The following ZNF644 variants were observed in gnomAD, a reference collection of about 807,000 sequenced individuals.
ZNF644 encodes zinc finger protein 644.
In ZNF644, 20 loss-of-function variants were observed where a neutral mutation model predicts 108.0. The ratio of observed to expected loss-of-function variants is 0.19; its 90% CI spans 0.13 to 0.27. ZNF644 has a LOEUF of 0.27. ZNF644 is among the 10% of genes least tolerant of loss of function. The pLI, the probability that ZNF644 is intolerant of heterozygous loss-of-function variation, is 1.00. For missense variants in ZNF644, 1,338 were observed against 1,548.9 expected (o/e 0.86, Z 2.29); for synonymous variants, 542 against 539.1 (o/e 1.01, Z -0.08).
intron 2 of ZNF644, among the ~76,000 whole-genome samples, chr1:90,954,655 C>T (rs1232480538): frequency 2.0e-5 from 3 of 152,192 alleles, no homozygotes; most frequent in Non-Finnish European, 4.4e-5. Flanking sequence ...GATCCACCTG[C>T]CTTGGCCTCC....
Position 90,938,829 on chromosome 1 carries a change from T to C in ZNF644, c.2525A>G (p.Gln842Arg). The change falls in exon 3 of 6, where the codon CAA (glutamine) becomes CGA (arginine). Residue 842 changes from glutamine (Q) to arginine (R), a missense_variant. Transcript: ENST00000337393. This position sits in a 1 kb window ranked among gnomAD's most constrained non-coding sequence, Gnocchi z 4.2. ...FLHKMTVVVL[Q>R]KLNSAEKKDS... is the part of the protein sequence containing the mutation. Reference sequence around the variant, plus strand: ...TTTCTTTTCAGCAGAATTAAGTTTTTGCAAAACGACAACAGTCATTTTATG... The same window carrying C: ...TTTCTTTTCAGCAGAATTAAGTTTTCGCAAAACGACAACAGTCATTTTATG... 1 of 1,613,906 alleles carries C rather than the reference T, an allele frequency of 6.2e-7. No individual in the cohort carries two copies. The highest frequency in any genetic ancestry group is 8.5e-7 in the Non-Finnish European group (1 of 1,179,944).
intron 1 of ZNF644, among the ~76,000 whole-genome samples, chr1:91,010,763 T>C (rs1165770871): frequency 1.3e-5 from 2 of 152,194 alleles, no homozygotes; most frequent in South Asian, 2.1e-4. Context: ...CTGTGCTCTA[T>C]GTATATGCAA....
intron 1 of ZNF644, among the ~76,000 whole-genome samples, chr1:91,009,758 A>G (rs1019273613): frequency 1.2e-4 from 19 of 152,200 alleles, no homozygotes; most frequent in African/African-American, 4.3e-4. Flanking sequence ...AAGTAAACTT[A>G]ACAGAAAAAA....
chr1:90,952,709 G>A (rs1653300587), intron 2 of ZNF644, among the ~76,000 whole-genome samples: 2 of 152,134 alleles, frequency 1.3e-5, no homozygotes. Context: ...AGTAAGAGCT[G>A]AAACTGATAT....
intron 2 of ZNF644, among the ~76,000 whole-genome samples, chr1:90,970,360 T>C (rs1403285470): frequency 2.0e-5 from 3 of 152,314 alleles, no homozygotes; most frequent in East Asian, 3.9e-4. Flanking sequence ...ACTAAGAACC[T>C]AGCTGTGCTT....
intron 2 of ZNF644, among the ~76,000 whole-genome samples, chr1:90,959,510 G>A (rs1201147854): frequency 6.6e-6 from 1 of 152,074 alleles, no homozygotes; most frequent in African/African-American, 2.4e-5. Context: ...TATTCATTAA[G>A]GAATAATATG....
chr1:90,918,656 T>C (rs1465048128), intron 4 of ZNF644, among the ~76,000 whole-genome samples: 3 of 152,092 alleles, frequency 2.0e-5, no homozygotes, highest in African/African-American at 4.8e-5. Context: ...ATATGGATAA[T>C]GTAATTAAAA....
intron 1 of ZNF644, among the ~76,000 whole-genome samples, chr1:91,002,593 C>T (rs1198066323): frequency 1.3e-5 from 2 of 152,152 alleles, no homozygotes; most frequent in African/African-American, 4.8e-5. Context: ...AAAACCTAGG[C>T]AATACCATTC....
Position 90,987,063 on chromosome 1 carries a change from T to TA in ZNF644, c.-17-4694dup, listed in dbSNP as rs61601047. On this transcript the variant is annotated intron_variant, in intron 1 of 5. Transcript: ENST00000337393. ...TTATGGTAGCAAAAGCTTACATGTTTAAAAAAAAAAAAAACCCACAAATCA... is the reference window on the plus strand; with the variant it reads ...TTATGGTAGCAAAAGCTTACATGTTTAAAAAAAAAAAAAAACCCACAAATCA... Among the ~76,000 whole-genome samples the TA allele has an allele frequency of 5.4e-3, 744 of 137,880 alleles. 3 individuals carry two copies. The highest frequency in any genetic ancestry group is 8.3e-3 in the Non-Finnish European group (523 of 62,972). The allele number at this position is 137,880 out of a possible 152,430, so 90.5% of individuals were successfully genotyped here.
At chr1:90,974,042 C>T (rs1026251481) in intron 2 of ZNF644, among the ~76,000 whole-genome samples, 1 of 151,946 alleles carries the variant, frequency 6.6e-6, no homozygotes. Context: ...GATAGGTGTC[C>T]GTATAGATGT....
At chr1:90,995,085 C>A (rs1658024563) in intron 1 of ZNF644, among the ~76,000 whole-genome samples, 1 of 151,926 alleles carries the variant, frequency 6.6e-6, no homozygotes, top group Admixed American at 6.6e-5. Flanking sequence ...GTGACCCAGA[C>A]TCAGGAAAAA....
intron 1 of ZNF644, among the ~76,000 whole-genome samples, chr1:91,020,141 C>T (rs1020973237): frequency 5.9e-5 from 9 of 152,120 alleles, no homozygotes; most frequent in African/African-American, 2.2e-4. Flanking sequence ...CACTGTAAAA[C>T]TTTATGATCC....
intron 1 of ZNF644, among the ~76,000 whole-genome samples, chr1:91,012,459 CA>C (rs1660045393): frequency 6.6e-6 from 1 of 151,098 alleles, no homozygotes; most frequent in South Asian, 2.1e-4. Flanking sequence ...GCTAGGGTGA[CA>C]GACTGAGACC....
intron 2 of ZNF644, among the ~76,000 whole-genome samples, chr1:90,978,800 C>G (rs1656252801): frequency 6.6e-6 from 1 of 150,386 alleles, no homozygotes; most frequent in African/African-American, 2.5e-5. Context: ...CAACTCTAAC[C>G]AACAACATGA....
chr1:90,940,012 A>G lies in ZNF644; in HGVS notation c.1342T>C (p.Tyr448His). The G allele has an allele frequency of 6.2e-7, 1 of 1,614,050 alleles. No individual in the cohort carries two copies. The highest frequency in any genetic ancestry group is 1.6e-4 in the Middle Eastern group (1 of 6,062). Residue 448 changes from tyrosine to histidine, a missense_variant, in exon 3 of 6, where the codon TAT (tyrosine) becomes CAT (histidine). Physicochemically the swap from Tyr to His is moderately conservative, Grantham distance 83. Transcript: ENST00000337393. The part of the protein sequence containing the change: ...HFRHLNVPRP[Y>H]ACRECGRTFR... Reference sequence around the variant, plus strand: ...GTCCGTCCACATTCTCTACAAGCATATGGCCTTGGGACATTAAGATGGCGA... The same window carrying G: ...GTCCGTCCACATTCTCTACAAGCATGTGGCCTTGGGACATTAAGATGGCGA...
rs267598765 is a variant in ZNF644 at position 90,938,836 on chromosome 1, C to T, written c.2518G>A (p.Val840Ile). The stretch of plus-strand genomic sequence containing the variant: ...TCAGCAGAATTAAGTTTTTGCAAAA[C>T]GACAACAGTCATTTTATGCAAAAAA... ...PDFLHKMTVV[V>I]LQKLNSAEKK... Residue 840 changes from valine to isoleucine, a missense_variant, in exon 3 of 6, where the codon GTT becomes ATT. Val to Ile is a conservative substitution (Grantham distance 29). This residue lies in a region of ZNF644 where 462 missense variants were observed against 472.6 expected (regional missense o/e 0.98). Transcript: ENST00000337393. This position sits in a 1 kb window ranked among gnomAD's most constrained non-coding sequence, Gnocchi z 4.2. The T allele has an allele frequency of 3.7e-6, 6 of 1,613,838 alleles. No individual in the cohort carries two copies. Among genetic ancestry groups the T allele is most frequent in the Non-Finnish European group, 5.1e-6 (6 of 1,179,924 alleles).
At chr1:90,947,948 T>C (rs1652690794) in intron 2 of ZNF644, among the ~76,000 whole-genome samples, 1 of 152,152 alleles carries the variant, frequency 6.6e-6, no homozygotes, top group Admixed American at 6.5e-5. Context: ...TTCTACACCA[T>C]CGCAAAATTG....
At position 90,982,418 on chromosome 1, in the gene ZNF644, CA is replaced by C; in HGVS notation, c.-17-49del. The C allele has an allele frequency of 3.1e-6, 4 of 1,296,668 alleles. No homozygotes were observed. In the South Asian group the frequency reaches 4.7e-5, roughly 15 times the overall value. 80.3% of individuals were successfully genotyped at this position (1,296,668 alleles called of 1,614,324 possible). ...CCAAGGTTTAATTTTTTGTTTCAGG[CA>C]TGAATAACCATAGCTACAATACACT... is the stretch of plus-strand genomic sequence containing the variant. On this transcript the variant is annotated intron_variant, in intron 1 of 5. Coordinates refer to ENST00000337393, the MANE Select transcript of ZNF644 (RefSeq NM_201269.3).
At position 90,937,698 on chromosome 1, in the gene ZNF644, C is replaced by T. The variant is rs757334850; in HGVS notation, c.3475G>A (p.Glu1159Lys). The change falls in exon 4 of 6, where the codon GAA (glutamate) becomes AAA (lysine). Residue 1159 changes from glutamate to lysine, a missense_variant. Coordinates refer to ENST00000337393, the MANE Select transcript of ZNF644 (RefSeq NM_201269.3). ...TGATTCTTTTTCCCACTGGGCAGTT[C>T]TGGTTTTGTTTCATCATATTCATTT... ...FLNEYDETKP[E>K]LPSGKKNQSL... 25 of 1,613,862 alleles carry T rather than the reference C, an allele frequency of 1.5e-5. No homozygotes were observed. The highest frequency in any genetic ancestry group is 2.1e-5 in the Non-Finnish European group (25 of 1,179,890).
Sources: allele counts gnomAD v4.1 joint callset (sites outside exome capture counted in the v4.1 genomes callset), GRCh38; gene constraint gnomAD v4.1.1; regional missense constraint gnomAD v4.1.1; non-coding constraint Gnocchi (gnomAD v3.1); transcripts MANE v1.5; gene names NCBI Gene and HGNC (gene_info 2026-07-23, HGNC 2026-07-21).